PSD3: variants seen among roughly 807,000 people sequenced by gnomAD.
PSD3 encodes pleckstrin and Sec7 domain containing 3.
PSD3 carries 49 observed loss-of-function variants against 105.5 expected under a neutral mutation model. The ratio of observed to expected loss-of-function variants is 0.46; its 90% CI spans 0.37 to 0.59. The LOEUF (loss-of-function observed/expected upper bound fraction) is 0.59. Among genes scored for constraint, PSD3 ranks in the 20% least tolerant of loss-of-function variants. The probability of loss-of-function intolerance (pLI) is 0.00; values close to 1 mark genes in which losing one functional copy is unlikely to be tolerated. For missense variants in PSD3, 1,561 were observed against 1,263.8 expected (o/e 1.24, Z -3.57); for synonymous variants, 557 against 457.8 (o/e 1.22, Z -2.77).
intron 4 of PSD3, among the ~76,000 whole-genome samples, chr8:18,824,159 A>G (rs1226735012): frequency 6.6e-6 from 1 of 152,206 alleles, no homozygotes; most frequent in Non-Finnish European, 1.5e-5. Flanking sequence ...GGTGACAGAC[A>G]TGGCCGTGTC....
chr8:18,775,599 A>G (rs371484875), intron 8 of PSD3, among the ~76,000 whole-genome samples: 179 of 152,232 alleles, frequency 1.2e-3, no homozygotes, highest in African/African-American at 4.2e-3. Flanking sequence ...CTGAACATCT[A>G]TTCATGTATC....
At chr8:18,720,234 A>C (rs776893933) in intron 9 of PSD3, among the ~76,000 whole-genome samples, 2 of 152,134 alleles carry the variant, frequency 1.3e-5, no homozygotes, top group Non-Finnish European at 2.9e-5. Context: ...AAACATAACC[A>C]TATTTTATTA....
intron 1 of PSD3, among the ~76,000 whole-genome samples, chr8:19,037,363 A>G (rs758468477): frequency 6.6e-6 from 1 of 152,186 alleles, no homozygotes; most frequent in Non-Finnish European, 1.5e-5. Context: ...ACACCCTCCA[A>G]CCCTGGGATT....
intron 1 of PSD3, among the ~76,000 whole-genome samples, chr8:18,967,848 T>C (rs1479759669): frequency 6.6e-6 from 1 of 152,208 alleles, no homozygotes; most frequent in African/African-American, 2.4e-5. Flanking sequence ...TACAGGCTTC[T>C]CCCAACACAG....
At chr8:18,659,547 T>C (rs1402866760) in intron 9 of PSD3, among the ~76,000 whole-genome samples, 2 of 152,238 alleles carry the variant, frequency 1.3e-5, no homozygotes, top group South Asian at 2.1e-4. Flanking sequence ...ACTAAGTACA[T>C]TGTCTCCTCC....
chr8:18,842,627 G>A (rs1033245430), intron 4 of PSD3, among the ~76,000 whole-genome samples: 4 of 152,160 alleles, frequency 2.6e-5, no homozygotes, highest in South Asian at 2.1e-4. Flanking sequence ...CAGCTACTCG[G>A]GAGGCTGAGG....
At chr8:18,624,102 C>A (rs1806314315) in intron 11 of PSD3, among the ~76,000 whole-genome samples, 1 of 152,092 alleles carries the variant, frequency 6.6e-6, no homozygotes, top group African/African-American at 2.4e-5. Context: ...TTCTGTAACA[C>A]TAAGAGTTTT....
intron 12 of PSD3, among the ~76,000 whole-genome samples, chr8:18,589,594 A>G (rs1585318010): frequency 6.6e-6 from 1 of 152,168 alleles, no homozygotes; most frequent in South Asian, 2.1e-4. Flanking sequence ...AATAATTATA[A>G]AAATGTTGTT....
chr8:18,548,812 G>A (rs1196442239), intron 15 of PSD3, among the ~76,000 whole-genome samples: 3 of 152,148 alleles, frequency 2.0e-5, no homozygotes, highest in South Asian at 2.1e-4. Context: ...GACCACCTGG[G>A]GGAAAGGATC....
At chr8:18,730,134 C>T (rs1457214937) in intron 9 of PSD3, 1 of 152,104 alleles carries the variant, frequency 6.6e-6, no homozygotes, top group Non-Finnish European at 1.5e-5. Context: ...CTGTGTTTTT[C>T]CCAAGGCACC....
chr8:18,961,803 T>C (rs975219236), intron 1 of PSD3, among the ~76,000 whole-genome samples: 1 of 152,258 alleles, frequency 6.6e-6, no homozygotes, highest in East Asian at 1.9e-4. Context: ...ATAAATCAGA[T>C]ATACCGCCTA....
chr8:18,626,512 G>A (rs890600713), intron 11 of PSD3, among the ~76,000 whole-genome samples: 3 of 152,064 alleles, frequency 2.0e-5, no homozygotes, highest in Non-Finnish European at 4.4e-5. Flanking sequence ...CCAAAAAACA[G>A]CATTCAGGAT....
intron 1 of PSD3, among the ~76,000 whole-genome samples, chr8:18,945,331 A>C (rs1052640413): frequency 1.3e-5 from 2 of 152,254 alleles, no homozygotes; most frequent in African/African-American, 4.8e-5. Flanking sequence ...AGAAGAGAAG[A>C]AAGTCATGAG....
intron 1 of PSD3, among the ~76,000 whole-genome samples, chr8:18,936,950 C>A (rs966691661): frequency 6.6e-6 from 1 of 152,152 alleles, no homozygotes; most frequent in African/African-American, 2.4e-5. Context: ...CCGAACAGGG[C>A]ATGGAACAGA....
chr8:18,789,784 C>T (rs73595731), intron 8 of PSD3, among the ~76,000 whole-genome samples: 4,766 of 152,272 alleles, frequency 0.031, 254 homozygotes, highest in African/African-American at 0.11. Context: ...GTTTCAGCCA[C>T]CATCATCCTC....
chr8:18,872,856 T>G, intron 2 of PSD3, 123 bp from the exon 3 acceptor site: 3 of 959,768 alleles, frequency 3.1e-6, no homozygotes, highest in Non-Finnish European at 4.6e-6. Context: ...TTGCATTATA[T>G]CAGTCCTCCC....
intron 4 of PSD3, among the ~76,000 whole-genome samples, chr8:18,827,924 G>C (rs1172370939): frequency 7.3e-6 from 1 of 136,148 alleles, no homozygotes; most frequent in Admixed American, 7.5e-5. Flanking sequence ...GAAGGCAGCA[G>C]ATTAAAAAAA....
At chr8:18,617,019 G>A (rs572453003) in intron 11 of PSD3, among the ~76,000 whole-genome samples, 2 of 152,082 alleles carry the variant, frequency 1.3e-5, no homozygotes, top group Admixed American at 1.3e-4. Flanking sequence ...ATTGAGGGTC[G>A]TGTAATCAAT....
At chr8:18,553,017 C>G (rs1800867699) in intron 15 of PSD3, among the ~76,000 whole-genome samples, 2 of 152,070 alleles carry the variant, frequency 1.3e-5, no homozygotes, top group African/African-American at 4.8e-5. Flanking sequence ...TGGACAGTTT[C>G]TAAGGCATAG....
Sources: gnomAD v4.1 joint callset for allele counts (sites outside exome capture counted in the v4.1 genomes callset) on GRCh38, gnomAD v4.1.1 for gene constraint, MANE v1.5 for transcripts, NCBI Gene and HGNC (gene_info 2026-07-23, HGNC 2026-07-21) for gene names.